Variants in ZNF804A observed in about 807,000 individuals in gnomAD.
The protein encoded by ZNF804A is zinc finger protein 804A.
Under a neutral mutation model 16.5 loss-of-function variants are expected in ZNF804A, and 2 were observed. That is an observed-to-expected ratio of 0.12 (90% confidence interval 0.05 to 0.38). The LOEUF is 0.38. ZNF804A is among the 10% of genes least tolerant of loss of function. ZNF804A has a pLI of 0.99. For missense variants in ZNF804A, 1,473 were observed against 1,390.7 expected, an observed-to-expected ratio of 1.06 and a Z score of -0.94; for synonymous variants, 534 against 489.6, an observed-to-expected ratio of 1.09 and a Z score of -1.20.
intron 1 of ZNF804A, among the ~76,000 whole-genome samples, chr2:184,619,422 T>C (rs1691383384): frequency 6.6e-6 from 1 of 151,976 alleles, no homozygotes; most frequent in Non-Finnish European, 1.5e-5. Context: ...GAGAAAATAT[T>C]GTACTGACTT....
intron 1 of ZNF804A, among the ~76,000 whole-genome samples, chr2:184,765,692 A>G (rs1694113824): frequency 6.7e-6 from 1 of 148,954 alleles, no homozygotes; most frequent in Non-Finnish European, 1.5e-5. Context: ...AGTCTTGCTG[A>G]TGCCCCCTGC....
chr2:184,712,725 C>A (rs207462717), intron 1 of ZNF804A, among the ~76,000 whole-genome samples: 1 of 151,462 alleles, frequency 6.6e-6, no homozygotes, highest in Admixed American at 6.6e-5. Context: ...TTCTTTTATT[C>A]TTTTTGTTTC....
At chr2:184,612,052 C>T (rs1691246836) in intron 1 of ZNF804A, among the ~76,000 whole-genome samples, 1 of 151,886 alleles carries the variant, frequency 6.6e-6, no homozygotes, top group Admixed American at 6.6e-5. Flanking sequence ...TTCTTAATAC[C>T]TAATTTGCTT....
intron 1 of ZNF804A, among the ~76,000 whole-genome samples, chr2:184,827,918 G>A (rs1695191360): frequency 6.6e-6 from 1 of 151,660 alleles, no homozygotes; most frequent in Admixed American, 6.6e-5. Flanking sequence ...TTCCTTGAGA[G>A]TGCGTACTTG....
At chr2:184,777,022 G>A (rs1326011728) in intron 1 of ZNF804A, among the ~76,000 whole-genome samples, 1 of 151,586 alleles carries the variant, frequency 6.6e-6, no homozygotes, top group East Asian at 1.9e-4. Context: ...AGATCTGGAT[G>A]TAAAAGAGAG....
At chr2:184,842,032 G>T (rs1167680395) in intron 1 of ZNF804A, among the ~76,000 whole-genome samples, 1 of 152,102 alleles carries the variant, frequency 6.6e-6, no homozygotes, top group Admixed American at 6.6e-5. Flanking sequence ...GTGCTTTTTT[G>T]TAGCATCAAT....
At chr2:184,709,475 C>A (rs963144991) in intron 1 of ZNF804A, among the ~76,000 whole-genome samples, 1 of 151,796 alleles carries the variant, frequency 6.6e-6, no homozygotes, top group Non-Finnish European at 1.5e-5. Context: ...ATTCTGAGAA[C>A]AATCCTGTAA....
At chr2:184,733,995 T>G (rs1317692300) in intron 1 of ZNF804A, among the ~76,000 whole-genome samples, 1 of 152,162 alleles carries the variant, frequency 6.6e-6, no homozygotes, top group Admixed American at 6.6e-5. Context: ...TTTTCTTTAC[T>G]GATTTTAGCT....
chr2:184,645,759 C>T (rs1691860451), intron 1 of ZNF804A, among the ~76,000 whole-genome samples: 1 of 152,180 alleles, frequency 6.6e-6, no homozygotes, highest in African/African-American at 2.4e-5. Flanking sequence ...AAGATCAACT[C>T]TGTGAGCTCT....
At chr2:184,678,169 G>A (rs192247248) in intron 1 of ZNF804A, among the ~76,000 whole-genome samples, 20 of 151,894 alleles carry the variant, frequency 1.3e-4, no homozygotes, top group African/African-American at 2.9e-4. Context: ...TATAACTTTC[G>A]AGAGCATTAT....
intron 2 of ZNF804A, among the ~76,000 whole-genome samples, chr2:184,919,933 T>A (rs577311666): frequency 4.5e-4 from 68 of 152,180 alleles, no homozygotes; most frequent in Admixed American, 1.1e-3. Context: ...CTGGCTAACA[T>A]GGTGAAATCC....
At chr2:184,826,368 T>C (rs1166680109) in intron 1 of ZNF804A, among the ~76,000 whole-genome samples, 5 of 152,152 alleles carry the variant, frequency 3.3e-5, no homozygotes, top group Non-Finnish European at 5.9e-5. Flanking sequence ...ACTTCTAAAA[T>C]TAGACTTTCA....
chr2:184,882,585 C>T (rs1684825707), intron 2 of ZNF804A, among the ~76,000 whole-genome samples: 1 of 151,820 alleles, frequency 6.6e-6, no homozygotes, highest in African/African-American at 2.4e-5. Context: ...ATAAATTGAA[C>T]CACATTCTTA....
chr2:184,622,499 C>T (rs1691435151), intron 1 of ZNF804A, among the ~76,000 whole-genome samples: 1 of 151,726 alleles, frequency 6.6e-6, no homozygotes, highest in Non-Finnish European at 1.5e-5. Flanking sequence ...TAATATTTTA[C>T]ATTATATGTA....
intron 1 of ZNF804A, among the ~76,000 whole-genome samples, chr2:184,599,562 A>G (rs1011254442): frequency 6.6e-6 from 1 of 152,228 alleles, no homozygotes; most frequent in Admixed American, 6.5e-5. Context: ...AAGGACTGAT[A>G]GCAAACTTCT....
intron 1 of ZNF804A, among the ~76,000 whole-genome samples, chr2:184,829,944 C>CAAAAA (rs1695236159): frequency 8.0e-6 from 1 of 124,556 alleles, no homozygotes; most frequent in African/African-American, 3.4e-5. Flanking sequence ...AAAAAAAAAC[C>CAAAAA]ACACACACAC....
intron 1 of ZNF804A, among the ~76,000 whole-genome samples, chr2:184,747,696 G>A (rs568611634): frequency 1.3e-5 from 2 of 150,194 alleles, no homozygotes; most frequent in South Asian, 2.1e-4. Context: ...TTTAATTTTA[G>A]CTTTTATTTT....
chr2:184,672,012 A>G (rs973512388), intron 1 of ZNF804A, among the ~76,000 whole-genome samples: 1 of 152,248 alleles, frequency 6.6e-6, no homozygotes, highest in African/African-American at 2.4e-5. Flanking sequence ...CTTACACAGT[A>G]CTAAAGTTTT....
At chr2:184,747,915 T>C (rs1004765488) in intron 1 of ZNF804A, among the ~76,000 whole-genome samples, 1 of 151,546 alleles carries the variant, frequency 6.6e-6, no homozygotes, top group East Asian at 1.9e-4. Flanking sequence ...TTTGGTTTTC[T>C]CTTCCTGAAT....
Sources: allele counts gnomAD v4.1 joint callset (sites outside exome capture counted in the v4.1 genomes callset), GRCh38; gene constraint gnomAD v4.1.1; transcripts MANE v1.5; gene names NCBI Gene and HGNC (gene_info 2026-07-23, HGNC 2026-07-21).